CRPPA: variants seen among roughly 807,000 people sequenced by gnomAD.
CRPPA encodes CDP-L-ribitol pyrophosphorylase A.
Under a neutral mutation model 52.0 loss-of-function variants are expected in CRPPA, and 43 were observed. The ratio of observed to expected loss-of-function variants is 0.83; its 90% CI spans 0.65 to 1.07. The LOEUF (loss-of-function observed/expected upper bound fraction) is 1.07, where lower values mean the gene tolerates loss of function less well. Ranked by LOEUF, CRPPA falls within the 50% of genes least tolerant of loss-of-function variation. The pLI is 0.00. For synonymous variants in CRPPA, 250 were observed against 203.5 expected, an observed-to-expected ratio of 1.23 and a Z score of -1.94; for missense variants, 629 against 551.7, an observed-to-expected ratio of 1.14 and a Z score of -1.40.
intron 8 of CRPPA, among the ~76,000 whole-genome samples, chr7:16,228,177 C>T (rs1782700295): frequency 2.6e-5 from 4 of 151,764 alleles, no homozygotes; most frequent in Admixed American, 2.6e-4. Flanking sequence ...TGATTCCCTC[C>T]AGCTTTGTTC....
At chr7:16,094,598 T>C (rs576449632) in intron 9 of CRPPA, among the ~76,000 whole-genome samples, 1 of 152,220 alleles carries the variant, frequency 6.6e-6, no homozygotes, top group South Asian at 2.1e-4. Flanking sequence ...TGTGTGTGTA[T>C]ATACACATTA....
intron 9 of CRPPA, among the ~76,000 whole-genome samples, chr7:16,215,266 T>C (rs2128397953): frequency 6.6e-6 from 1 of 152,332 alleles, no homozygotes; most frequent in Admixed American, 6.5e-5. Context: ...CCGTTCAACT[T>C]GCTAGACTCT....
chr7:16,320,899 G>C (rs957380089), intron 3 of CRPPA, among the ~76,000 whole-genome samples: 3 of 152,086 alleles, frequency 2.0e-5, no homozygotes, highest in African/African-American at 7.2e-5. Flanking sequence ...GTCCATATGA[G>C]GCTGATAATA....
intron 5 of CRPPA, among the ~76,000 whole-genome samples, chr7:16,283,123 G>C: frequency 6.6e-6 from 1 of 151,812 alleles, no homozygotes; most frequent in Middle Eastern, 3.4e-3. Flanking sequence ...CTATTGCACT[G>C]ATTTTTTATG....
intron 9 of CRPPA, among the ~76,000 whole-genome samples, chr7:16,212,255 T>A (rs982903514): frequency 1.3e-5 from 2 of 152,178 alleles, no homozygotes; most frequent in African/African-American, 4.8e-5. Flanking sequence ...TCCTTTCCAA[T>A]GTCCCCATCC....
intron 3 of CRPPA, among the ~76,000 whole-genome samples, chr7:16,357,367 C>T (rs1303712830): frequency 2.0e-5 from 3 of 151,972 alleles, no homozygotes; most frequent in African/African-American, 4.8e-5. Context: ...TTAGTGGATA[C>T]AGGATTTTAC....
intron 3 of CRPPA, among the ~76,000 whole-genome samples, chr7:16,367,481 C>T (rs1479815293): frequency 6.6e-6 from 1 of 151,924 alleles, no homozygotes; most frequent in Non-Finnish European, 1.5e-5. Context: ...TTCCTGTTAA[C>T]TCAGTATTTA....
intron 9 of CRPPA, among the ~76,000 whole-genome samples, chr7:16,103,519 A>T (rs1193786302): frequency 1.3e-5 from 2 of 152,178 alleles, no homozygotes; most frequent in Non-Finnish European, 2.9e-5. Flanking sequence ...ACACCATAAA[A>T]ATAAAAACCT....
chr7:16,118,434 C>T (rs1457367294), intron 9 of CRPPA, among the ~76,000 whole-genome samples: 1 of 152,206 alleles, frequency 6.6e-6, no homozygotes, highest in African/African-American at 2.4e-5. Context: ...AGCCAGAAAA[C>T]ATGCATCCAA....
chr7:16,189,859 G>C (rs1269040478), intron 9 of CRPPA, among the ~76,000 whole-genome samples: 1 of 152,122 alleles, frequency 6.6e-6, no homozygotes, highest in African/African-American at 2.4e-5. Flanking sequence ...TAGCAGGTTT[G>C]AGAAATCCTC....
intron 3 of CRPPA, among the ~76,000 whole-genome samples, chr7:16,318,789 G>C (rs1256398310): frequency 6.6e-6 from 1 of 152,116 alleles, no homozygotes; most frequent in African/African-American, 2.4e-5. Flanking sequence ...CACTTCCAAA[G>C]CAAGTCAGGC....
intron 5 of CRPPA, among the ~76,000 whole-genome samples, chr7:16,285,978 C>G: frequency 8.2e-6 from 1 of 121,584 alleles, no homozygotes; most frequent in Admixed American, 8.8e-5. Flanking sequence ...CAAGATTGCA[C>G]CACTGCACTC....
chr7:16,208,096 T>C (rs17169349), intron 9 of CRPPA, among the ~76,000 whole-genome samples: 9,500 of 152,194 alleles, frequency 0.062, 777 homozygotes, highest in East Asian at 0.3. Flanking sequence ...AGCAATTATT[T>C]TGTAACACTG....
intron 9 of CRPPA, among the ~76,000 whole-genome samples, chr7:16,172,394 A>G (rs1781208026): frequency 6.6e-6 from 1 of 152,144 alleles, no homozygotes; most frequent in South Asian, 2.1e-4. Context: ...AAAATGGTAA[A>G]GAGCAGAGGG....
chr7:16,138,932 G>C (rs2128375084), intron 9 of CRPPA, among the ~76,000 whole-genome samples: 1 of 152,236 alleles, frequency 6.6e-6, no homozygotes, highest in Middle Eastern at 3.4e-3. Flanking sequence ...CTCCTGAGTA[G>C]CTGGGATTAC....
At chr7:16,283,424 T>C (rs1784358889) in intron 5 of CRPPA, among the ~76,000 whole-genome samples, 1 of 150,240 alleles carries the variant, frequency 6.7e-6, no homozygotes, top group South Asian at 2.1e-4. Context: ...ATATATCACA[T>C]ATATATCATA....
chr7:16,377,730 A>T (rs1233732262), intron 2 of CRPPA, among the ~76,000 whole-genome samples: 1 of 152,148 alleles, frequency 6.6e-6, no homozygotes, highest in Non-Finnish European at 1.5e-5. Flanking sequence ...TGGATGCTCT[A>T]CTCAGAGTAG....
intron 8 of CRPPA, among the ~76,000 whole-genome samples, chr7:16,239,559 C>CAAAAAAAAAAAAAAA (rs751232682): frequency 4.2e-5 from 2 of 47,630 alleles, no homozygotes; most frequent in African/African-American, 1.5e-4. Context: ...AAGTCAATAG[C>CAAAAAAAAAAAAAAA]AAAAAAAAAA....
At chr7:16,114,503 A>T (rs931134107) in intron 9 of CRPPA, among the ~76,000 whole-genome samples, 8 of 152,134 alleles carry the variant, frequency 5.3e-5, no homozygotes, top group Admixed American at 2.0e-4. Flanking sequence ...GCTACTGATG[A>T]GTATAAAGTT....
Sources: gnomAD v4.1 joint callset for allele counts (sites outside exome capture counted in the v4.1 genomes callset) on GRCh38, gnomAD v4.1.1 for gene constraint, MANE v1.5 for transcripts, NCBI Gene and HGNC (gene_info 2026-07-23, HGNC 2026-07-21) for gene names.